The following ZNF609 variants were observed in gnomAD, a reference collection of about 807,000 sequenced individuals.
ZNF609 encodes the protein zinc finger protein 609.
Under a neutral mutation model 109.5 loss-of-function variants are expected in ZNF609, and 11 were observed. The observed-to-expected ratio is 0.10, with a 90% CI of 0.06 to 0.17. The LOEUF is 0.17. ZNF609 is among the 10% of genes least tolerant of loss of function. The pLI is 1.00. For missense variants in ZNF609, 1,559 were observed against 1,772.4 expected, an observed-to-expected ratio of 0.88 and a Z score of 2.16; for synonymous variants, 646 against 662.0, an observed-to-expected ratio of 0.98 and a Z score of 0.37.
chr15:64,554,427 G>T (rs1227311763), intron 2 of ZNF609, among the ~76,000 whole-genome samples: 1 of 152,024 alleles, frequency 6.6e-6, no homozygotes, highest in Non-Finnish European at 1.5e-5. Context: ...GATTGCTTGA[G>T]CCCAGGAGTT....
intron 2 of ZNF609, among the ~76,000 whole-genome samples, chr15:64,530,042 T>G (rs1894035936): frequency 6.6e-6 from 1 of 151,856 alleles, no homozygotes; most frequent in Non-Finnish European, 1.5e-5. Context: ...TGGTTTTTTT[T>G]TAAACTCTGT....
chr15:64,624,417 ATC>A (rs547406319), intron 3 of ZNF609, among the ~76,000 whole-genome samples: 429 of 152,298 alleles, frequency 2.8e-3, no homozygotes, highest in Non-Finnish European at 4.8e-3. Context: ...TCCGGACCAT[ATC>A]TCTGTGCCAC....
chr15:64,494,490 A>T (rs1451654655), intron 1 of ZNF609, among the ~76,000 whole-genome samples: 1 of 152,052 alleles, frequency 6.6e-6, no homozygotes, highest in Non-Finnish European at 1.5e-5. Flanking sequence ...AGAGTCACAG[A>T]GTTACTTTCT....
At chr15:64,599,390 A>G (rs1241907714) in intron 2 of ZNF609, among the ~76,000 whole-genome samples, 9 of 152,078 alleles carry the variant, frequency 5.9e-5, no homozygotes, top group Non-Finnish European at 1.0e-4. Flanking sequence ...CTGTATTCTC[A>G]GTGCCTAGAC....
rs1410723724 is a variant in ZNF609, at chr15:64,607,852, T to A, written c.748-14975T>A. 5.9e-5 allele frequency among the ~76,000 whole-genome samples: 4 copies of A among 67,662 alleles called. 2 individuals are homozygous for A. Among genetic ancestry groups the A allele is most frequent in the Admixed American group, 3.2e-4 (2 of 6,266 alleles). The allele number at this position is 67,662 out of a possible 152,430, so 44.4% of individuals were successfully genotyped here. A position where few individuals can be genotyped will look rare whatever the true frequency, so the allele number is the denominator to read the frequency against. ...CTTTCTTTCTTTCTTTCTTTCTTTC[T>A]TTCTTTCTTTCTTTCTTTCTTTCTT... On this transcript the variant is annotated intron_variant, in intron 2 of 9. Transcript: ENST00000326648.
intron 3 of ZNF609, among the ~76,000 whole-genome samples, chr15:64,627,224 A>T (rs1189274761): frequency 6.6e-6 from 1 of 152,026 alleles, no homozygotes; most frequent in African/African-American, 2.4e-5. Context: ...AAACAAAACT[A>T]CCAAGTCTAT....
At chr15:64,564,839 A>C (rs1894748563) in intron 2 of ZNF609, among the ~76,000 whole-genome samples, 1 of 149,676 alleles carries the variant, frequency 6.7e-6, no homozygotes, top group African/African-American at 2.4e-5. Flanking sequence ...ATTGCTCACT[A>C]ACTGTTTTTT....
At chr15:64,579,080 AAG>A (rs910537108) in intron 2 of ZNF609, among the ~76,000 whole-genome samples, 8 of 151,780 alleles carry the variant, frequency 5.3e-5, no homozygotes, top group Non-Finnish European at 1.0e-4. Context: ...TAAAACAAAA[AAG>A]ATTTGCATCT....
At chr15:64,607,502 C>CTTTT (rs200902765) in intron 2 of ZNF609, among the ~76,000 whole-genome samples, 1 of 131,988 alleles carries the variant, frequency 7.6e-6, no homozygotes, top group Non-Finnish European at 1.6e-5. Context: ...TTAAGGCATA[C>CTTTT]TTTTTTTTTT....
chr15:64,620,579 A>G (rs1895860831), intron 2 of ZNF609, among the ~76,000 whole-genome samples: 2 of 152,216 alleles, frequency 1.3e-5, no homozygotes, highest in African/African-American at 2.4e-5. Flanking sequence ...TCATAAATGT[A>G]GATGATTCAT....
intron 1 of ZNF609, among the ~76,000 whole-genome samples, chr15:64,477,100 A>G (rs1461489365): frequency 7.2e-6 from 1 of 138,150 alleles, no homozygotes; most frequent in Non-Finnish European, 1.6e-5. Context: ...CACATTGTAA[A>G]TTTATTTGTT....
intron 2 of ZNF609, among the ~76,000 whole-genome samples, chr15:64,616,150 C>G (rs996045658): frequency 1.3e-5 from 2 of 152,080 alleles, no homozygotes; most frequent in Non-Finnish European, 2.9e-5. Flanking sequence ...GATGTGCCAC[C>G]ATGCCCAGCT....
intron 2 of ZNF609, among the ~76,000 whole-genome samples, chr15:64,517,104 G>T (rs1051183210): frequency 3.3e-5 from 5 of 152,124 alleles, no homozygotes; most frequent in African/African-American, 1.2e-4. Context: ...GGCTGGGTAC[G>T]CTGGCTCACT....
intron 2 of ZNF609, among the ~76,000 whole-genome samples, chr15:64,509,366 G>GT (rs2140356675): frequency 6.6e-6 from 1 of 152,294 alleles, no homozygotes; most frequent in Non-Finnish European, 1.5e-5. Context: ...GATGAAAAGA[G>GT]TTAAGCATTC....
intron 2 of ZNF609, among the ~76,000 whole-genome samples, chr15:64,578,365 T>C (rs1895037567): frequency 6.6e-6 from 1 of 152,116 alleles, no homozygotes; most frequent in African/African-American, 2.4e-5. Context: ...CATTCTTTAC[T>C]TGGAATGATT....
intron 2 of ZNF609, among the ~76,000 whole-genome samples, chr15:64,597,590 C>G (rs914777204): frequency 1.3e-5 from 2 of 152,102 alleles, no homozygotes; most frequent in African/African-American, 4.8e-5. Flanking sequence ...CTTTTTCTGG[C>G]CCTGTTCCAG....
chr15:64,501,063 C>G (rs1893554409), intron 2 of ZNF609: 1 of 152,794 alleles, frequency 6.5e-6, no homozygotes, highest in Admixed American at 6.5e-5. Context: ...CAGCATTAAA[C>G]TTCAGCAGCT....
chr15:64,547,680 G>T (rs1421090508), intron 2 of ZNF609, among the ~76,000 whole-genome samples: 3 of 151,656 alleles, frequency 2.0e-5, no homozygotes, highest in Non-Finnish European at 1.5e-5. Context: ...TATTTTGTTA[G>T]TGAGTCCCCA....
chr15:64,513,906 A>G (rs539467563), intron 2 of ZNF609, among the ~76,000 whole-genome samples: 1 of 152,176 alleles, frequency 6.6e-6, no homozygotes, highest in Admixed American at 6.5e-5. Context: ...AGCCTGAGCA[A>G]CATAGGGAGG....
Sources: gnomAD v4.1 joint callset for allele counts (sites outside exome capture counted in the v4.1 genomes callset) on GRCh38, gnomAD v4.1.1 for gene constraint, MANE v1.5 for transcripts, NCBI Gene and HGNC (gene_info 2026-07-23, HGNC 2026-07-21) for gene names.